CACNA2D3: variants seen among roughly 807,000 people sequenced by gnomAD.
CACNA2D3 encodes calcium voltage-gated channel auxiliary subunit alpha2delta 3, also known as voltage-dependent calcium channel subunit alpha-2/delta-3.
Under a neutral mutation model 160.6 loss-of-function variants are expected in CACNA2D3, and 60 were observed. The ratio of observed to expected loss-of-function variants is 0.37; its 90% CI spans 0.30 to 0.46. CACNA2D3 has a LOEUF of 0.46. Among genes scored for constraint, CACNA2D3 ranks in the 20% least tolerant of loss-of-function variants. The pLI, the probability that CACNA2D3 is intolerant of heterozygous loss-of-function variation, is 1.00. For missense variants in CACNA2D3, 1,205 were observed against 1,365.0 expected (o/e 0.88, Z 1.85); for synonymous variants, 558 against 492.9 (o/e 1.13, Z -1.75).
chr3:54,806,412 GACAA>G (rs1230125264), intron 13 of CACNA2D3, among the ~76,000 whole-genome samples: 4 of 152,256 alleles, frequency 2.6e-5, no homozygotes, highest in East Asian at 3.9e-4. Flanking sequence ...ACCAATAGCG[GACAA>G]ACAGAGAACC....
chr3:54,470,121 C>A (rs1700703412), intron 4 of CACNA2D3, among the ~76,000 whole-genome samples: 1 of 152,098 alleles, frequency 6.6e-6, no homozygotes, highest in African/African-American at 2.4e-5. Context: ...CCCCAAGACA[C>A]ACAAATGTCA....
intron 17 of CACNA2D3, among the ~76,000 whole-genome samples, chr3:54,869,902 G>A (rs2106817593): frequency 6.6e-6 from 1 of 152,296 alleles, no homozygotes; most frequent in South Asian, 2.1e-4. Context: ...GCTTCTGAGG[G>A]AACCACTTTC....
intron 3 of CACNA2D3, among the ~76,000 whole-genome samples, chr3:54,380,953 G>T (rs948935136): frequency 1.3e-5 from 2 of 151,992 alleles, no homozygotes; most frequent in Non-Finnish European, 2.9e-5. Context: ...CCTTCGTGTA[G>T]CCCAAATCCA....
At chr3:54,245,920 G>A (rs1270805392) in intron 2 of CACNA2D3, among the ~76,000 whole-genome samples, 1 of 152,236 alleles carries the variant, frequency 6.6e-6, no homozygotes, top group Non-Finnish European at 1.5e-5. Context: ...AGTCCCTGGA[G>A]TTCCAAGCAA....
At chr3:54,908,644 A>T (rs551210541) in intron 27 of CACNA2D3, among the ~76,000 whole-genome samples, 2 of 152,166 alleles carry the variant, frequency 1.3e-5, no homozygotes, top group Non-Finnish European at 2.9e-5. Context: ...TTGAGCCAGG[A>T]AGGTCAAGGC....
intron 3 of CACNA2D3, among the ~76,000 whole-genome samples, chr3:54,385,427 C>G (rs1699171520): frequency 6.6e-6 from 1 of 152,178 alleles, no homozygotes; most frequent in Non-Finnish European, 1.5e-5. Context: ...TCTCCTGGCT[C>G]TGGCCTCTGA....
chr3:54,726,310 C>T (rs1272887312), intron 11 of CACNA2D3, among the ~76,000 whole-genome samples: 1 of 152,166 alleles, frequency 6.6e-6, no homozygotes, highest in Non-Finnish European at 1.5e-5. Flanking sequence ...TAGGAAGAAT[C>T]AATATGGTGA....
intron 4 of CACNA2D3, among the ~76,000 whole-genome samples, chr3:54,500,258 T>A (rs1209941336): frequency 1.3e-5 from 2 of 152,180 alleles, no homozygotes; most frequent in Non-Finnish European, 2.9e-5. Flanking sequence ...ATCTTCTTCA[T>A]CCCTTTACTT....
At chr3:54,849,092 A>G (rs1000849872) in intron 17 of CACNA2D3, among the ~76,000 whole-genome samples, 1 of 152,180 alleles carries the variant, frequency 6.6e-6, no homozygotes, top group African/African-American at 2.4e-5. Flanking sequence ...AGACATTGGG[A>G]AGGGATCGTG....
At chr3:54,338,046 A>G (rs1417115468) in intron 3 of CACNA2D3, among the ~76,000 whole-genome samples, 3 of 152,212 alleles carry the variant, frequency 2.0e-5, no homozygotes, top group Non-Finnish European at 4.4e-5. Context: ...GTGCTCCCCG[A>G]GGACAGACAA....
chr3:54,942,878 G>A lies in CACNA2D3; in HGVS notation c.2450-25572G>A, dbSNP rs568820928. On this transcript the variant is annotated intron_variant, in intron 27 of 37. Transcript: ENST00000474759. ...TCTCTACTAAAAATACAAAAAATTAGCCAGGCGCGGTGGCACGTGCCTGTA... is the reference window on the plus strand; with the variant it reads ...TCTCTACTAAAAATACAAAAAATTAACCAGGCGCGGTGGCACGTGCCTGTA... Among the ~76,000 whole-genome samples the A allele has an allele frequency of 2.0e-5, 3 of 152,204 alleles. No individual in the cohort carries two copies. In the East Asian group the frequency reaches 5.8e-4, roughly 29 times the overall value.
intron 29 of CACNA2D3, among the ~76,000 whole-genome samples, chr3:54,975,177 A>T (rs1215339767): frequency 6.6e-6 from 1 of 152,066 alleles, no homozygotes; most frequent in East Asian, 1.9e-4. Context: ...CTTGTCACTC[A>T]ATTTGCCTTT....
intron 11 of CACNA2D3, among the ~76,000 whole-genome samples, chr3:54,691,680 C>A (rs1020929361): frequency 6.6e-6 from 1 of 152,204 alleles, no homozygotes; most frequent in Non-Finnish European, 1.5e-5. Context: ...TTCCTTCAGA[C>A]CCCAGTGGCT....
At chr3:55,021,715 G>GTGTGTGTATATA (rs1553632885) in intron 35 of CACNA2D3, among the ~76,000 whole-genome samples, 1 of 141,406 alleles carries the variant, frequency 7.1e-6, no homozygotes, top group Admixed American at 7.1e-5. Flanking sequence ...ATATGTGTGT[G>GTGTGTGTATATA]TATATATATA....
chr3:54,602,669 T>C (rs1280608552), intron 9 of CACNA2D3, among the ~76,000 whole-genome samples: 1 of 152,134 alleles, frequency 6.6e-6, no homozygotes, highest in East Asian at 1.9e-4. Flanking sequence ...TGACGATAAA[T>C]ATGTTCTCTT....
At chr3:54,305,721 C>CA (rs1378839166) in intron 2 of CACNA2D3, among the ~76,000 whole-genome samples, 1 of 152,342 alleles carries the variant, frequency 6.6e-6, no homozygotes, top group Non-Finnish European at 1.5e-5. Context: ...CCTGTATCTA[C>CA]AGTCTTGGGA....
chr3:54,979,738 C>A (rs757176156), intron 29 of CACNA2D3, among the ~76,000 whole-genome samples: 2 of 152,096 alleles, frequency 1.3e-5, no homozygotes, highest in Admixed American at 6.6e-5. Context: ...AAACTTTCTT[C>A]CTCTATTCTA....
intron 3 of CACNA2D3, among the ~76,000 whole-genome samples, chr3:54,364,292 A>G (rs1698792794): frequency 6.6e-6 from 1 of 152,246 alleles, no homozygotes; most frequent in South Asian, 2.1e-4. Context: ...ACCAAATATC[A>G]AAACAACAGG....
chr3:54,626,683 T>TAA, intron 9 of CACNA2D3: 3 of 242,708 alleles, frequency 1.2e-5, no homozygotes, highest in East Asian at 5.6e-5. Flanking sequence ...ATGGTTCCAG[T>TAA]CAAAAAAAAA....
Sources: gnomAD v4.1 joint callset for allele counts (sites outside exome capture counted in the v4.1 genomes callset) on GRCh38, gnomAD v4.1.1 for gene constraint, MANE v1.5 for transcripts, NCBI Gene and HGNC (gene_info 2026-07-23, HGNC 2026-07-21) for gene names.